The following HOOK3 variants were observed in gnomAD, a reference collection of about 807,000 sequenced individuals.
HOOK3 encodes the protein hook microtubule tethering protein 3, also known as protein Hook homolog 3.
In HOOK3, 24 loss-of-function variants were observed where a neutral mutation model predicts 116.3. The ratio of observed to expected loss-of-function variants is 0.21; its 90% confidence interval spans 0.15 to 0.29. The LOEUF (loss-of-function observed/expected upper bound fraction) is 0.29, where lower values mean the gene tolerates loss of function less well. HOOK3 is among the 10% of genes least tolerant of loss of function. HOOK3 has a pLI of 1.00. For synonymous variants in HOOK3, 275 were observed against 283.0 expected (o/e 0.97, Z 0.28); for missense variants, 632 against 830.2 (o/e 0.76, Z 2.93).
chr8:42,914,892 G>A (rs1048941581), intron 2 of HOOK3, among the ~76,000 whole-genome samples: 7 of 152,234 alleles, frequency 4.6e-5, no homozygotes, highest in Admixed American at 2.0e-4. Context: ...GGAGATGGGC[G>A]GATCACTTGA....
At chr8:42,919,078 C>T (rs569791802) in intron 2 of HOOK3, among the ~76,000 whole-genome samples, 184 of 149,134 alleles carry the variant, frequency 1.2e-3, no homozygotes, top group African/African-American at 4.2e-3. Flanking sequence ...GGCGGCTGGC[C>T]GGGCGGGGGC....
chr8:42,921,672 G>A (rs1193616070), intron 2 of HOOK3, among the ~76,000 whole-genome samples: 1 of 152,184 alleles, frequency 6.6e-6, no homozygotes, highest in East Asian at 1.9e-4. Context: ...GAATGAAAAA[G>A]AGACTCTTTG....
chr8:42,949,777 T>C (rs1330448152), intron 5 of HOOK3, among the ~76,000 whole-genome samples: 2 of 151,696 alleles, frequency 1.3e-5, no homozygotes, highest in Non-Finnish European at 2.9e-5. Context: ...ATTAGTTGGG[T>C]GTGGTGGCGC....
At chr8:42,911,793 G>A (rs919891900) in intron 2 of HOOK3, among the ~76,000 whole-genome samples, 16 of 152,164 alleles carry the variant, frequency 1.1e-4, no homozygotes, top group African/African-American at 3.4e-4. Flanking sequence ...ACCGAAGAGA[G>A]TATAAACCAC....
At chr8:42,929,687 A>G (rs1016036824) in intron 3 of HOOK3, among the ~76,000 whole-genome samples, 1 of 152,094 alleles carries the variant, frequency 6.6e-6, no homozygotes, top group African/African-American at 2.4e-5. Context: ...TTTAAAGATT[A>G]TTTTACTATA....
Position 43,024,251 on chromosome 8 carries a change from T to C in HOOK3, c.*5753T>C, listed in dbSNP as rs1586639693. The C allele has an allele frequency of 5.0e-6, 1 of 201,270 alleles. No homozygotes were observed. The highest frequency in any genetic ancestry group is 1.0e-5 in the Non-Finnish European group (1 of 97,718). The allele number at this position is 201,270 out of a possible 1,614,324, so 12.5% of individuals were successfully genotyped here. ...AGAATATTTTGAGTTTTTATTCTTA[T>C]ATTATGAAGGGATTCTTTGCCTAGC... On this transcript the variant is annotated 3_prime_UTR_variant, in exon 22 of 22. Transcript: ENST00000307602.
chr8:42,902,719 A>T (rs921880121), intron 1 of HOOK3, among the ~76,000 whole-genome samples: 2 of 152,140 alleles, frequency 1.3e-5, no homozygotes, highest in African/African-American at 4.8e-5. Context: ...TTTTTCCCCA[A>T]TCTTTCTTTA....
At chr8:42,928,511 A>G (rs1005921484) in intron 3 of HOOK3, among the ~76,000 whole-genome samples, 1 of 152,220 alleles carries the variant, frequency 6.6e-6, no homozygotes, top group Non-Finnish European at 1.5e-5. Flanking sequence ...ATGATGTTTC[A>G]AATAATGCTA....
At chr8:42,913,697 A>C (rs372500478) in intron 2 of HOOK3, among the ~76,000 whole-genome samples, 3 of 152,182 alleles carry the variant, frequency 2.0e-5, no homozygotes, top group African/African-American at 7.2e-5. Context: ...AGAAACTGAC[A>C]AACTGTTTCC....
At chr8:42,902,207 C>A (rs991963470) in intron 1 of HOOK3, among the ~76,000 whole-genome samples, 21 of 151,986 alleles carry the variant, frequency 1.4e-4, no homozygotes, top group African/African-American at 5.1e-4. Flanking sequence ...AAATAGATCC[C>A]CAGCTTCCTA....
chr8:42,928,757 T>C (rs923311287), intron 3 of HOOK3, among the ~76,000 whole-genome samples: 4 of 152,182 alleles, frequency 2.6e-5, no homozygotes, highest in Admixed American at 1.3e-4. Context: ...AGACAAGATA[T>C]ACGACCGGGC....
At chr8:42,960,689 C>T (rs918727604) in intron 8 of HOOK3, among the ~76,000 whole-genome samples, 3 of 152,116 alleles carry the variant, frequency 2.0e-5, no homozygotes, top group African/African-American at 4.8e-5. Context: ...CATCCAACCT[C>T]AGCTCAAAAA....
chr8:42,959,373 A>C, intron 8 of HOOK3, 59 bp downstream of exon 8: 3 of 1,102,620 alleles, frequency 2.7e-6, no homozygotes, highest in Non-Finnish European at 4.2e-6. Context: ...ATACCACCAA[A>C]TGTGCTGTGT....
intron 19 of HOOK3, among the ~76,000 whole-genome samples, chr8:43,011,014 A>G (rs187234592): frequency 3.6e-4 from 54 of 150,344 alleles, no homozygotes; most frequent in Admixed American, 1.7e-3. Flanking sequence ...TTTTTTTGAG[A>G]TGGAGTCTCG....
At chr8:42,936,318 A>G (rs1415835770) in intron 4 of HOOK3, among the ~76,000 whole-genome samples, 7 of 152,212 alleles carry the variant, frequency 4.6e-5, no homozygotes, top group Non-Finnish European at 7.3e-5. Flanking sequence ...CTAAATATAC[A>G]ATCATGTCAT....
Position 42,982,680 on chromosome 8 carries a change from G to A in HOOK3, c.1375G>A (p.Val459Ile). The A allele has an allele frequency of 1.2e-6, 2 of 1,611,634 alleles. No homozygotes were observed. The highest frequency in any genetic ancestry group is 1.7e-6 in the Non-Finnish European group (2 of 1,177,916). ...TTCAGACAGTCTAGCTGCAGAGATT[G>A]TTACACCTGAAATCAGGTAAGGAGA... ...ESSDSLAAEIVTPEIREKLIR... is the reference protein window; with the variant it reads ...ESSDSLAAEIITPEIREKLIR... The change falls in exon 14 of 22, where the codon GTT becomes ATT. Residue 459 changes from valine to isoleucine, a missense_variant. Physicochemically the swap from Val to Ile is conservative, Grantham distance 29. This residue lies in a region of HOOK3 where 483 missense variants were observed against 648.1 expected (regional missense o/e 0.75). Transcript: ENST00000307602.
intron 2 of HOOK3, among the ~76,000 whole-genome samples, chr8:42,917,475 C>A (rs985160841): frequency 1.3e-5 from 2 of 152,118 alleles, no homozygotes; most frequent in African/African-American, 4.8e-5. Flanking sequence ...ATAAAGGGGC[C>A]CACAATGAAT....
chr8:42,973,412 A>G lies in HOOK3; in HGVS notation c.1233+13A>G, dbSNP rs780229607. Reference sequence around the variant, plus strand: ...AAAAGAAAAGGACGTGAGTATATATATTAGGCATTTTGGTTTTGAGCACTG... The same window carrying G: ...AAAAGAAAAGGACGTGAGTATATATGTTAGGCATTTTGGTTTTGAGCACTG... On this transcript the variant is annotated intron_variant, in intron 12 of 21. Coordinates refer to ENST00000307602, the MANE Select transcript of HOOK3 (RefSeq NM_032410.4). The G allele has an allele frequency of 2.5e-6, 4 of 1,573,460 alleles. No homozygotes were observed. The highest frequency in any genetic ancestry group is 8.6e-7 in the Non-Finnish European group (1 of 1,157,782).
At chr8:43,005,299 C>T (rs1809463180) in intron 17 of HOOK3, among the ~76,000 whole-genome samples, 1 of 145,938 alleles carries the variant, frequency 6.9e-6, no homozygotes, top group African/African-American at 2.6e-5. Flanking sequence ...CAGCTCACTG[C>T]AAGCTCCGCT....
Sources: allele counts gnomAD v4.1 joint callset (sites outside exome capture counted in the v4.1 genomes callset), GRCh38; gene constraint gnomAD v4.1.1; regional missense constraint gnomAD v4.1.1; transcripts MANE v1.5; gene names NCBI Gene and HGNC (gene_info 2026-07-23, HGNC 2026-07-21).